Variants in KANK1 observed in about 807,000 individuals in gnomAD.
KANK1 encodes the protein KN motif and ankyrin repeat domains 1.
Under a neutral mutation model 106.2 loss-of-function variants are expected in KANK1, and 109 were observed. The ratio of observed to expected loss-of-function variants is 1.03; its 90% CI spans 0.88 to 1.20. The LOEUF is 1.20. Among genes scored for constraint, KANK1 ranks in the 50% most tolerant of loss-of-function variants. KANK1 has a pLI of 0.00. For missense variants in KANK1, 2,399 were observed against 1,710.7 expected (o/e 1.40, Z -7.10); for synonymous variants, 873 against 652.2 (o/e 1.34, Z -5.16).
At chr9:543,420 A>G (rs1185607752) in intron 1 of KANK1, among the ~76,000 whole-genome samples, 1 of 151,976 alleles carries the variant, frequency 6.6e-6, no homozygotes, top group African/African-American at 2.4e-5. Flanking sequence ...ATAGCTGTGC[A>G]TGGTAACGGG....
chr9:523,095 T>G (rs912619744), intron 1 of KANK1, among the ~76,000 whole-genome samples: 1 of 151,672 alleles, frequency 6.6e-6, no homozygotes. Context: ...CCAATCATTA[T>G]CACATTTAGG....
intron 3 of KANK1, among the ~76,000 whole-genome samples, chr9:725,375 C>T (rs188102800): frequency 5.9e-5 from 9 of 151,970 alleles, no homozygotes; most frequent in Admixed American, 3.3e-4. Flanking sequence ...CACCTGTAGC[C>T]CCAGCTACTT....
At chr9:623,552 C>G (rs1833660967) in intron 1 of KANK1, among the ~76,000 whole-genome samples, 1 of 150,896 alleles carries the variant, frequency 6.6e-6, no homozygotes, top group Admixed American at 6.6e-5. Context: ...CTGCATTGAG[C>G]CAAGATCATG....
intron 2 of KANK1, among the ~76,000 whole-genome samples, chr9:472,776 C>T (rs2058043121): frequency 6.6e-6 from 1 of 152,086 alleles, no homozygotes; most frequent in South Asian, 2.1e-4. Context: ...ACAACAGAGC[C>T]CTATACCAAG....
intron 1 of KANK1, among the ~76,000 whole-genome samples, chr9:540,125 A>G (rs2060516217): frequency 6.6e-6 from 1 of 152,216 alleles, no homozygotes; most frequent in Non-Finnish European, 1.5e-5. Context: ...TCTTAGAGGA[A>G]AGGCTTTCAG....
At chr9:470,299 G>T (rs1021456452) in exon 1 of KANK1, 2 of 149,650 alleles carry the variant, frequency 1.3e-5, no homozygotes. Flanking sequence ...GCGCCCGAGG[G>T]TGTTTCGGGG....
At chr9:701,149 T>C (rs976618084) in intron 2 of KANK1, among the ~76,000 whole-genome samples, 1 of 152,160 alleles carries the variant, frequency 6.6e-6, no homozygotes, top group Non-Finnish European at 1.5e-5. Context: ...GGAGTTTCAC[T>C]CTTGCCCAGG....
chr9:740,394 G>A (rs1835098731), intron 8 of KANK1, among the ~76,000 whole-genome samples: 2 of 152,130 alleles, frequency 1.3e-5, no homozygotes, highest in Non-Finnish European at 2.9e-5. Flanking sequence ...GTAAGCGTTT[G>A]CAAACACTTC....
rs767618077 is a variant in KANK1, at chr9:691,611, A to ATTT, written c.37+14619_37+14621dup. ...AATAATGTAACTAAATAATACCAGA[A>ATTT]TTTTTTTTTTTTTTTTTTTGAGACC... is the stretch of plus-strand genomic sequence containing the variant. On this transcript the variant is annotated intron_variant, in intron 2 of 11. Transcript: ENST00000382297. 1.8e-4 allele frequency among the ~76,000 whole-genome samples: 13 copies of ATTT among 71,080 alleles called. 1 individual carries two copies. Among genetic ancestry groups the ATTT allele is most frequent in the East Asian group, 5.6e-4 (1 of 1,772 alleles). The allele number at this position is 71,080 out of a possible 152,430, so 46.6% of individuals were successfully genotyped here. A position where few individuals can be genotyped will look rare whatever the true frequency, so the allele number is the denominator to read the frequency against.
chr9:734,638 C>G (rs1833259900), intron 6 of KANK1, 110 bp from the exon 7 acceptor site: 1 of 697,700 alleles, frequency 1.4e-6, no homozygotes, highest in South Asian at 1.8e-5. Context: ...TGCACTCCAG[C>G]CTGGGCGACA....
At chr9:741,081 T>A in intron 9 of KANK1, 147 bp downstream of exon 9, 1 of 806,238 alleles carries the variant, frequency 1.2e-6, no homozygotes, top group Non-Finnish European at 1.9e-6. Flanking sequence ...ATACACTGCC[T>A]GGCACTCCTT....
upstream of KANK1, among the ~76,000 whole-genome samples, chr9:503,474 G>A (rs1341376703): frequency 6.6e-6 from 1 of 152,184 alleles, no homozygotes; most frequent in Non-Finnish European, 1.5e-5. Context: ...TTGCAGGTGT[G>A]CTTCGCTGTG....
chr9:549,703 C>G (rs907691306), intron 1 of KANK1: 1 of 152,728 alleles, frequency 6.5e-6, no homozygotes, highest in South Asian at 2.1e-4. Context: ...TTTGTCCTTT[C>G]TCCTCCTCGT....
chr9:565,769 G>A (rs1047026892), intron 1 of KANK1, among the ~76,000 whole-genome samples: 3 of 152,174 alleles, frequency 2.0e-5, no homozygotes, highest in Non-Finnish European at 4.4e-5. Context: ...CTTAGGTTCC[G>A]CAAGAGTGAT....
chr9:712,312 G>T lies in KANK1; in HGVS notation c.1546G>T (p.Val516Leu), dbSNP rs1201058152. Residue 516 changes from valine (V) to leucine (L), a missense_variant, in exon 3 of 12, where the codon GTG (valine) becomes TTG (leucine). Val to Leu is a conservative substitution (Grantham distance 32). Transcript: ENST00000382297. ...CCAGCCGCTTGTTTTCAGTAAGGTG[G>T]TGGAGGCAGTGGTGCAGACCAGAGA... ...MAQPLVFSKVVEAVVQTRDQM... is the reference protein window; with the variant it reads ...MAQPLVFSKVLEAVVQTRDQM... The T allele has an allele frequency of 1.2e-6, 2 of 1,614,110 alleles. No individual in the cohort carries two copies. The highest frequency in any genetic ancestry group is 8.5e-7 in the Non-Finnish European group (1 of 1,180,056).
intron 3 of KANK1, among the ~76,000 whole-genome samples, chr9:474,986 C>T (rs2058079496): frequency 6.6e-6 from 1 of 152,126 alleles, no homozygotes; most frequent in African/African-American, 2.4e-5. Flanking sequence ...CCAGGAATGT[C>T]AGGTGACCAT....
At chr9:611,670 G>T (rs762520044) in intron 1 of KANK1, among the ~76,000 whole-genome samples, 2 of 152,128 alleles carry the variant, frequency 1.3e-5, no homozygotes, top group Non-Finnish European at 2.9e-5. Flanking sequence ...AGGCATTTTT[G>T]ATAGTTTATC....
intron 1 of KANK1, among the ~76,000 whole-genome samples, chr9:508,468 C>A (rs1587347372): frequency 6.6e-6 from 1 of 152,298 alleles, no homozygotes; most frequent in African/African-American, 2.4e-5. Context: ...TACATCTTCA[C>A]AAATTGTCAC....
At chr9:518,028 T>G (rs1388001345) in intron 1 of KANK1, among the ~76,000 whole-genome samples, 1 of 151,556 alleles carries the variant, frequency 6.6e-6, no homozygotes, top group South Asian at 2.1e-4. Flanking sequence ...ATGAGCCACC[T>G]TGCCCGGCCA....
Sources: gnomAD v4.1 joint callset for allele counts (sites outside exome capture counted in the v4.1 genomes callset) on GRCh38, gnomAD v4.1.1 for gene constraint, MANE v1.5 for transcripts, NCBI Gene and HGNC (gene_info 2026-07-23, HGNC 2026-07-21) for gene names.